SGCD: variants seen among roughly 807,000 people sequenced by gnomAD.
SGCD encodes delta-sarcoglycan.
A neutral mutation model predicts 36.6 loss-of-function variants in SGCD; 18 were observed. That is an observed-to-expected ratio of 0.49 (90% CI 0.34 to 0.73). The LOEUF is 0.73. Ranked by LOEUF, SGCD falls within the 30% of genes least tolerant of loss-of-function variation. The pLI, the probability that SGCD is intolerant of heterozygous loss-of-function variation, is 0.01. For missense variants in SGCD, 387 were observed against 346.7 expected, an observed-to-expected ratio of 1.12 and a Z score of -0.92; for synonymous variants, 133 against 130.6, an observed-to-expected ratio of 1.02 and a Z score of -0.12.
chr5:156,021,222 G>T (rs1276335524), intron 1 of SGCD, among the ~76,000 whole-genome samples: 2 of 152,064 alleles, frequency 1.3e-5, no homozygotes, highest in East Asian at 1.9e-4. Flanking sequence ...AGTTGTGTAG[G>T]GGCTTTTCAT....
At chr5:156,693,139 A>G (rs979685885) in intron 7 of SGCD, among the ~76,000 whole-genome samples, 3 of 152,170 alleles carry the variant, frequency 2.0e-5, no homozygotes, top group South Asian at 4.1e-4. Flanking sequence ...TTCCTTAGCC[A>G]TATTCAACCA....
chr5:156,485,017 CTT>C (rs887092015), intron 3 of SGCD, among the ~76,000 whole-genome samples: 2 of 147,380 alleles, frequency 1.4e-5, no homozygotes, highest in Non-Finnish European at 3.0e-5. Context: ...TGGAAACAAA[CTT>C]TTTTTTTTTT....
intron 7 of SGCD, among the ~76,000 whole-genome samples, chr5:156,710,677 A>G (rs1581440045): frequency 1.3e-5 from 2 of 152,192 alleles, no homozygotes; most frequent in African/African-American, 4.8e-5. Context: ...GAGTTAAGTT[A>G]TTATCTAAAG....
chr5:156,571,409 T>C (rs968227878), intron 4 of SGCD, among the ~76,000 whole-genome samples: 5 of 152,086 alleles, frequency 3.3e-5, no homozygotes, highest in Admixed American at 2.0e-4. Flanking sequence ...TCTTTTTTAT[T>C]CCCTCTCTTT....
In SGCD at chr5:156,385,765, G is replaced by A. The variant is rs560911298; in HGVS notation, c.192+41088G>A. ...ACACCACAAAGAACCAGAGCTTTAC[G>A]TGCTCAGAGTGATGGATTTAGATGC... On this transcript the variant is annotated intron_variant, in intron 3 of 8. Coordinates refer to ENST00000337851, the MANE Select transcript of SGCD (RefSeq NM_000337.6). Among the ~76,000 whole-genome samples, 3 of 152,290 alleles carry A rather than the reference G, an allele frequency of 2.0e-5. 1 individual carries two copies. The South Asian group carries it at 6.2e-4, about 32-fold the overall frequency.
At chr5:156,032,652 A>G (rs1482147637) in intron 1 of SGCD, among the ~76,000 whole-genome samples, 1 of 124,716 alleles carries the variant, frequency 8.0e-6, no homozygotes, top group Non-Finnish European at 1.6e-5. Flanking sequence ...CGGGAGGTGG[A>G]GCTTGTAGTG....
chr5:155,911,782 T>A (rs1219293929), intron 1 of SGCD, among the ~76,000 whole-genome samples: 1 of 152,116 alleles, frequency 6.6e-6, no homozygotes, highest in African/African-American at 2.4e-5. Flanking sequence ...CTGAGCCATG[T>A]GGCATGAAAA....
At chr5:156,191,428 C>A (rs1763891543) in intron 3 of SGCD, among the ~76,000 whole-genome samples, 4 of 152,088 alleles carry the variant, frequency 2.6e-5, no homozygotes, top group South Asian at 2.1e-4. Flanking sequence ...TATGTGACAT[C>A]TCTGCAGTTT....
At chr5:155,738,271 A>G in the SGCD span, among the ~76,000 whole-genome samples, 1 of 152,356 alleles carries the variant, frequency 6.6e-6, no homozygotes, top group Non-Finnish European at 1.5e-5. Context: ...CATGTTAAAA[A>G]GCCTAACAAT....
chr5:155,839,659 T>A, the SGCD span, among the ~76,000 whole-genome samples: 1 of 152,226 alleles, frequency 6.6e-6, no homozygotes, highest in Non-Finnish European at 1.5e-5. Context: ...TATTTATATC[T>A]GTATTTACTC....
intron 4 of SGCD, among the ~76,000 whole-genome samples, chr5:156,523,934 C>CT (rs1174656402): frequency 6.6e-6 from 1 of 150,404 alleles, no homozygotes; most frequent in Admixed American, 6.7e-5. Context: ...GAAACTGCAA[C>CT]TTTAAGTAGA....
At chr5:156,242,160 A>T (rs761572449) in intron 3 of SGCD, among the ~76,000 whole-genome samples, 7 of 152,254 alleles carry the variant, frequency 4.6e-5, no homozygotes, top group Non-Finnish European at 8.8e-5. Flanking sequence ...ATACTGTGGC[A>T]TATTATTCAG....
chr5:155,932,519 A>T (rs1757118896), intron 1 of SGCD, among the ~76,000 whole-genome samples: 1 of 152,146 alleles, frequency 6.6e-6, no homozygotes, highest in African/African-American at 2.4e-5. Flanking sequence ...TATTACTTTG[A>T]TGTGTTTTAG....
intron 7 of SGCD, among the ~76,000 whole-genome samples, chr5:156,711,937 G>A (rs764882787): frequency 6.6e-6 from 1 of 152,132 alleles, no homozygotes; most frequent in Non-Finnish European, 1.5e-5. Context: ...GCTTAACAAG[G>A]GGTGGATTAT....
intron 7 of SGCD, among the ~76,000 whole-genome samples, chr5:156,677,578 A>C (rs1350423356): frequency 2.6e-5 from 4 of 152,088 alleles, no homozygotes; most frequent in African/African-American, 9.7e-5. Context: ...TAGGAGGACT[A>C]CCTAATGTAA....
the SGCD span, among the ~76,000 whole-genome samples, chr5:155,759,803 A>G: frequency 6.6e-6 from 1 of 152,186 alleles, no homozygotes; most frequent in Non-Finnish European, 1.5e-5. Flanking sequence ...TTAGCTCTGT[A>G]TTGACCTCCA....
intron 2 of SGCD, chr5:156,123,751 A>G (rs768526582): frequency 2.0e-5 from 3 of 152,216 alleles, no homozygotes; most frequent in African/African-American, 4.8e-5. Context: ...AATCTAAAGT[A>G]TCTTTTGTTT....
intron 7 of SGCD, among the ~76,000 whole-genome samples, chr5:156,728,374 T>TG (rs1755880930): frequency 6.6e-6 from 1 of 151,688 alleles, no homozygotes; most frequent in Non-Finnish European, 1.5e-5. Flanking sequence ...TAGCCGAGTG[T>TG]GGTGGCAATG....
intron 7 of SGCD, among the ~76,000 whole-genome samples, chr5:156,657,293 T>C (rs190424): frequency 6.6e-6 from 1 of 151,908 alleles, no homozygotes; most frequent in African/African-American, 2.4e-5. Context: ...ATGTGCACAA[T>C]GTGCAGGTTT....
Sources: allele counts gnomAD v4.1 joint callset (sites outside exome capture counted in the v4.1 genomes callset), GRCh38; gene constraint gnomAD v4.1.1; transcripts MANE v1.5; gene names NCBI Gene and HGNC (gene_info 2026-07-23, HGNC 2026-07-21).